HIRA: variants seen among roughly 807,000 people sequenced by gnomAD.
HIRA encodes the protein protein HIRA.
HIRA carries 13 observed loss-of-function variants against 126.6 expected under a neutral mutation model. The ratio of observed to expected loss-of-function variants is 0.10; its 90% CI spans 0.07 to 0.16. The LOEUF is 0.16. Among genes scored for constraint, HIRA ranks in the 10% least tolerant of loss-of-function variants. The probability of loss-of-function intolerance (pLI) is 1.00; values close to 1 mark genes in which losing one functional copy is unlikely to be tolerated. For synonymous variants in HIRA, 511 were observed against 520.0 expected (o/e 0.98, Z 0.24); for missense variants, 834 against 1,314.4 (o/e 0.63, Z 5.65).
At chr22:19,347,479 C>T (rs1284111092) in intron 24 of HIRA, among the ~76,000 whole-genome samples, 1 of 151,922 alleles carries the variant, frequency 6.6e-6, no homozygotes, top group African/African-American at 2.4e-5. Context: ...TCCTCACTGA[C>T]AACAAAGAAA....
chr22:19,332,606 G>C (rs1416023234), intron 24 of HIRA, among the ~76,000 whole-genome samples: 6 of 151,348 alleles, frequency 4.0e-5, no homozygotes, highest in Non-Finnish European at 7.4e-5. Flanking sequence ...AATTAAAAAT[G>C]ACTTGCAAGA....
rs999745085 is a variant in HIRA, at chr22:19,367,247, G to A, written c.1776-5316C>T. Among the ~76,000 whole-genome samples, 13 of 152,092 alleles carry A rather than the reference G, an allele frequency of 8.5e-5. No individual in the cohort carries two copies. In the East Asian group the frequency reaches 2.5e-3, roughly 29 times the overall value. On this transcript the variant is annotated intron_variant, in intron 15 of 24. Transcript: ENST00000263208. ...TTTTCCATAGTACAGTCATCCTTTG[G>A]TATCTGCATGGGGATTGATTCCAGG... is the stretch of plus-strand genomic sequence containing the variant.
intron 1 of HIRA, among the ~76,000 whole-genome samples, chr22:19,422,296 C>A (rs2089455261): frequency 6.6e-6 from 1 of 151,684 alleles, no homozygotes; most frequent in South Asian, 2.1e-4. Flanking sequence ...GTCTCCCCCA[C>A]CAGCTCCAAC....
chr22:19,392,319 G>A (rs2089189558), intron 8 of HIRA, 105 bp from the exon 9 acceptor site: 6 of 635,518 alleles, frequency 9.4e-6, no homozygotes, highest in African/African-American at 1.8e-5. Flanking sequence ...GACATTCTCT[G>A]AGCCCAGGCA....
Position 19,405,870 on chromosome 22 carries a change from G to C in HIRA, c.313C>G (p.Pro105Ala). The change falls in exon 5 of 25, where the codon CCC (proline) becomes GCC (alanine). Residue 105 changes from proline (P) to alanine (A), a missense_variant. Around this residue, in one of 5 missense-constraint regions of HIRA, gnomAD observed 102 missense variants for 191.4 expected, o/e 0.53. Coordinates refer to ENST00000263208, the MANE Select transcript of HIRA (RefSeq NM_003325.4). ...MVWKRATYIG[P>A]STVFGSSGKL... ...CCACTGGAGCCGAACACGGTGCTGG[G>C]GCCGATGTACCTGTGTGAGAAAGGG... 2 of 1,492,776 alleles carry C rather than the reference G, an allele frequency of 1.3e-6. No individual in the cohort carries two copies. The highest frequency in any genetic ancestry group is 2.6e-5 in the East Asian group (1 of 38,288). 92.5% of individuals were successfully genotyped at this position (1,492,776 alleles called of 1,614,324 possible). A position where few individuals can be genotyped will look rare whatever the true frequency, so the allele number is the denominator to read the frequency against.
rs554219321 is a variant in HIRA, at chr22:19,412,820, C to A, written c.38-2042G>T. ...TCAACTGCATGTTTTCTCACTCAGT[C>A]TCTGTTTGCAGATTTCTACTATGTG... On this transcript the variant is annotated intron_variant, in intron 1 of 24. Coordinates refer to ENST00000263208, the MANE Select transcript of HIRA (RefSeq NM_003325.4). Among the ~76,000 whole-genome samples, 4 of 152,308 alleles carry A rather than the reference C, an allele frequency of 2.6e-5. No individual in the cohort carries two copies. The Middle Eastern group carries it at 0.01, about 389-fold the overall frequency.
chr22:19,393,557 C>A (rs2089199569), intron 8 of HIRA, among the ~76,000 whole-genome samples: 1 of 152,070 alleles, frequency 6.6e-6, no homozygotes, highest in South Asian at 2.1e-4. Flanking sequence ...GGGGTTTCAT[C>A]ATGTTGGTCA....
Position 19,396,959 on chromosome 22 carries a change from A to C in HIRA, c.494-12T>G. ...AGTAGCTAGAATTTCTGTGAAGAAA[A>C]AAGGAATGTGGAGAGGTGTTGTCTG... On this transcript the variant is annotated splice_polypyrimidine_tract_variant and intron_variant, in intron 6 of 24. Transcript: ENST00000263208. 1 of 1,613,834 alleles carries C rather than the reference A, an allele frequency of 6.2e-7. No individual in the cohort carries two copies. Among genetic ancestry groups the C allele is most frequent in the Non-Finnish European group, 8.5e-7 (1 of 1,179,816 alleles).
chr22:19,410,874 G>C, intron 1 of HIRA, 96 bp from the exon 2 acceptor site: 1 of 974,484 alleles, frequency 1.0e-6, no homozygotes, highest in Non-Finnish European at 1.6e-6. Context: ...TAAACTGCTA[G>C]AAGATTCTCC....
Position 19,351,587 on chromosome 22 carries a change from A to G in HIRA, c.2849-141T>C, listed in dbSNP as rs2088757804. On this transcript the variant is annotated intron_variant, in intron 23 of 24. Coordinates refer to ENST00000263208, the MANE Select transcript of HIRA (RefSeq NM_003325.4). The surrounding 1 kb of genome is among the most constrained non-coding windows in gnomAD (Gnocchi z 4.8). ...ACACATGCGTATTTTATTGCCTACTATGGGCAAGACGCCCCTGCATGTCTC... is the reference window on the plus strand; with the variant it reads ...ACACATGCGTATTTTATTGCCTACTGTGGGCAAGACGCCCCTGCATGTCTC... 3 of 666,892 alleles carry G rather than the reference A, an allele frequency of 4.5e-6. No individual in the cohort carries two copies. The highest frequency in any genetic ancestry group is 3.6e-5 in the African/African-American group (2 of 54,972). 41.3% of individuals were successfully genotyped at this position (666,892 alleles called of 1,614,324 possible).
At position 19,351,597 on chromosome 22, in the gene HIRA, C is replaced by CTT; in HGVS notation, c.2849-152_2849-151insAA. 1.6e-6 allele frequency: 1 copy of CTT among 637,660 alleles called. No homozygotes were observed. 39.5% of individuals were successfully genotyped at this position (637,660 alleles called of 1,614,324 possible). On this transcript the variant is annotated intron_variant, in intron 23 of 24. Transcript: ENST00000263208. This position sits in a 1 kb window ranked among gnomAD's most constrained non-coding sequence, Gnocchi z 4.8. ...ATTTTATTGCCTACTATGGGCAAGA[C>CTT]GCCCCTGCATGTCTCTCAGCGGGGG...
At chr22:19,404,044 G>A (rs1050975387) in intron 5 of HIRA, among the ~76,000 whole-genome samples, 3 of 151,786 alleles carry the variant, frequency 2.0e-5, no homozygotes, top group African/African-American at 7.3e-5. Context: ...TTTCTGTCTG[G>A]GTTAAATGTT....
At chr22:19,343,875 G>GAA (rs782199273) in intron 24 of HIRA, among the ~76,000 whole-genome samples, 1 of 79,888 alleles carries the variant, frequency 1.3e-5, no homozygotes, top group African/African-American at 3.7e-5. Context: ...ACAGTGAGGG[G>GAA]AAAAAAAAAA....
intron 5 of HIRA, among the ~76,000 whole-genome samples, chr22:19,400,417 C>A (rs1413345285): frequency 2.6e-5 from 4 of 152,172 alleles, no homozygotes; most frequent in African/African-American, 9.7e-5. Context: ...CCTCCTTTCA[C>A]AACACACCAA....
At chr22:19,405,933 TA>T in intron 4 of HIRA, 53 bp from the exon 5 acceptor site, 1 of 1,210,436 alleles carries the variant, frequency 8.3e-7, no homozygotes, top group Non-Finnish European at 1.1e-6. Context: ...GGGCACTGCA[TA>T]GAAATGCTCC....
At chr22:19,413,894 T>C (rs558292903) in intron 1 of HIRA, among the ~76,000 whole-genome samples, 39 of 152,030 alleles carry the variant, frequency 2.6e-4, no homozygotes, top group Non-Finnish European at 4.3e-4. Context: ...ACAGGGGTAA[T>C]CCCGGCCACC....
intron 11 of HIRA, among the ~76,000 whole-genome samples, chr22:19,386,553 G>A (rs1349696341): frequency 2.6e-5 from 4 of 152,236 alleles, no homozygotes; most frequent in African/African-American, 7.2e-5. Context: ...GCTCCTGCAG[G>A]GCTTGAATGT....
At chr22:19,362,332 T>A (rs2088871594) in intron 15 of HIRA, among the ~76,000 whole-genome samples, 1 of 152,168 alleles carries the variant, frequency 6.6e-6, no homozygotes, top group South Asian at 2.1e-4. Flanking sequence ...AGCCACCATG[T>A]CTTGAATTAC....
intron 24 of HIRA, among the ~76,000 whole-genome samples, chr22:19,341,811 C>T (rs2088632173): frequency 6.6e-6 from 1 of 152,152 alleles, no homozygotes; most frequent in Non-Finnish European, 1.5e-5. Flanking sequence ...CAAGATGGAT[C>T]AAAGACTTAA....
Sources: allele counts gnomAD v4.1 joint callset (sites outside exome capture counted in the v4.1 genomes callset), GRCh38; gene constraint gnomAD v4.1.1; regional missense constraint gnomAD v4.1.1; non-coding constraint Gnocchi (gnomAD v3.1); transcripts MANE v1.5; gene names NCBI Gene and HGNC (gene_info 2026-07-23, HGNC 2026-07-21).